ALDH1A2: variants seen among roughly 807,000 people sequenced by gnomAD.
ALDH1A2 encodes the protein retinal dehydrogenase 2.
ALDH1A2 carries 27 observed loss-of-function variants against 60.3 expected under a neutral mutation model. The observed-to-expected ratio is 0.45, with a 90% CI of 0.33 to 0.62. The LOEUF (loss-of-function observed/expected upper bound fraction) is 0.62, where lower values mean the gene tolerates loss of function less well. Ranked by LOEUF, ALDH1A2 falls within the 20% of genes least tolerant of loss-of-function variation. The pLI is 0.02. For synonymous variants in ALDH1A2, 289 were observed against 232.4 expected, an observed-to-expected ratio of 1.24 and a Z score of -2.21; for missense variants, 581 against 643.8, an observed-to-expected ratio of 0.90 and a Z score of 1.06.
chr15:58,048,813 T>A (rs185879884), intron 1 of ALDH1A2, among the ~76,000 whole-genome samples: 1 of 152,152 alleles, frequency 6.6e-6, no homozygotes, highest in Admixed American at 6.6e-5. Flanking sequence ...ATTTTTTAAA[T>A]GTTTAAAATC....
chr15:58,058,308 C>A (rs1405666049), intron 1 of ALDH1A2, among the ~76,000 whole-genome samples: 1 of 151,758 alleles, frequency 6.6e-6, no homozygotes, highest in African/African-American at 2.4e-5. Context: ...TTTTGCATAT[C>A]TCGTGGGCTT....
chr15:58,014,290 G>A lies in ALDH1A2; in HGVS notation c.118-9C>T, dbSNP rs1895726904. 1 of 1,605,938 alleles carries A rather than the reference G, an allele frequency of 6.2e-7. No individual in the cohort carries two copies. The highest frequency in any genetic ancestry group is 1.3e-5 in the African/African-American group (1 of 74,768). ...TCGTTGTTTATAAAGATCTAAGGGA[G>A]TAGATAACAGAATGGGATCTGTGAC... On this transcript the variant is annotated splice_polypyrimidine_tract_variant and intron_variant, in intron 1 of 12. Coordinates refer to ENST00000249750, the MANE Select transcript of ALDH1A2 (RefSeq NM_003888.4).
rs34804991 is a variant in ALDH1A2, at chr15:58,065,386, C to CA, written c.117+147dup. 4.2e-4 allele frequency: 330 copies of CA among 783,640 alleles called. 1 individual carries two copies. The East Asian group carries it at 8.4e-3, about 20-fold the overall frequency. 48.5% of individuals were successfully genotyped at this position (783,640 alleles called of 1,614,324 possible). On this transcript the variant is annotated intron_variant, in intron 1 of 12. Transcript: ENST00000249750. ...CAAACGCCCCAGTCCCGAAGACAGGCAGGGGGTCCCTCTGCTGCGCCGGGA... is the reference window on the plus strand; with the variant it reads ...CAAACGCCCCAGTCCCGAAGACAGGCAAGGGGGTCCCTCTGCTGCGCCGGGA...
intron 7 of ALDH1A2, among the ~76,000 whole-genome samples, chr15:57,966,184 GA>G (rs35042561): frequency 2.6e-5 from 4 of 152,106 alleles, no homozygotes; most frequent in African/African-American, 4.8e-5. Flanking sequence ...TCCGGCTCCA[GA>G]AAAAAGCCAA....
rs753463120 is a variant in ALDH1A2, at chr15:57,964,027, T to C, written c.944A>G (p.Asn315Ser). ...VEQAHQGVFFNQGQCCTAGSR... is the reference protein window; with the variant it reads ...VEQAHQGVFFSQGQCCTAGSR... The stretch of plus-strand genomic sequence containing the variant: ...GCCTGCAGTGCAGCACTGACCTTGA[T>C]TGAAGAACACACCCTGGTGGGCCTG... The change falls in exon 9 of 13, where the codon AAT becomes AGT. Residue 315 changes from asparagine to serine, a missense_variant. By Grantham distance (46) the Asn-to-Ser change is conservative. Around this residue, in one of 2 missense-constraint regions of ALDH1A2, gnomAD observed 375 missense variants for 469.7 expected, o/e 0.80. Transcript: ENST00000249750. 13 of 1,614,016 alleles carry C rather than the reference T, an allele frequency of 8.1e-6. No homozygotes were observed. The highest frequency in any genetic ancestry group is 1.1e-5 in the South Asian group (1 of 91,084).
At chr15:57,990,412 T>A (rs1894854185) in intron 7 of ALDH1A2, 1 of 152,160 alleles carries the variant, frequency 6.6e-6, no homozygotes, top group Admixed American at 6.5e-5. Flanking sequence ...TAGGAAAAAT[T>A]AGTGGAAAAA....
In ALDH1A2 at chr15:58,059,428, G is replaced by A. The variant is rs138606164; in HGVS notation, c.117+6106C>T. Among the ~76,000 whole-genome samples, 667 of 152,240 alleles carry A rather than the reference G, an allele frequency of 4.4e-3. 5 individuals are homozygous for A. Among genetic ancestry groups the A allele is most frequent in the African/African-American group, 0.015 (618 of 41,540 alleles). Reference sequence around the variant, plus strand: ...TCTCAAAATTCCATATGTTATCTTGGACAGTCAGGACTAGTAAAAGTTTCT... The same window carrying A: ...TCTCAAAATTCCATATGTTATCTTGAACAGTCAGGACTAGTAAAAGTTTCT... On this transcript the variant is annotated intron_variant, in intron 1 of 12. Coordinates refer to ENST00000249750, the MANE Select transcript of ALDH1A2 (RefSeq NM_003888.4).
At chr15:57,992,913 T>A (rs931784193) in intron 6 of ALDH1A2, 32 bp downstream of exon 6, 1 of 1,613,358 alleles carries the variant, frequency 6.2e-7, no homozygotes, top group East Asian at 2.2e-5. Flanking sequence ...GTAAGGGGAG[T>A]CAGAAGCACT....
At chr15:58,019,433 G>T (rs762364990) in intron 1 of ALDH1A2, among the ~76,000 whole-genome samples, 7 of 152,160 alleles carry the variant, frequency 4.6e-5, no homozygotes, top group Non-Finnish European at 1.0e-4. Flanking sequence ...ATTAGTATGA[G>T]GAAAAATGTG....
chr15:58,021,038 ATAG>A (rs1368442707), intron 1 of ALDH1A2, among the ~76,000 whole-genome samples: 4 of 152,278 alleles, frequency 2.6e-5, no homozygotes, highest in Non-Finnish European at 4.4e-5. Context: ...ATTTTGTTTA[ATAG>A]TAGCATAGCT....
chr15:58,003,201 G>C (rs1324106100), intron 4 of ALDH1A2, among the ~76,000 whole-genome samples: 1 of 151,802 alleles, frequency 6.6e-6, no homozygotes, highest in Admixed American at 6.6e-5. Flanking sequence ...TCTTAAAAAG[G>C]TTCCTTGTGA....
chr15:58,063,480 A>C (rs1410389850), intron 1 of ALDH1A2, among the ~76,000 whole-genome samples: 1 of 152,034 alleles, frequency 6.6e-6, no homozygotes, highest in Non-Finnish European at 1.5e-5. Flanking sequence ...ACTCACTATT[A>C]ATCTTATTTT....
intron 1 of ALDH1A2, among the ~76,000 whole-genome samples, chr15:58,019,322 G>C (rs1895862861): frequency 2.0e-5 from 3 of 152,146 alleles, no homozygotes; most frequent in Admixed American, 1.3e-4. Flanking sequence ...GCTCTGTCTT[G>C]AAACATGGCC....
chr15:57,987,763 T>G (rs956132245), intron 7 of ALDH1A2, among the ~76,000 whole-genome samples: 1 of 151,422 alleles, frequency 6.6e-6, no homozygotes. Context: ...CGGGTGCCTG[T>G]AGTCCCAGCT....
At chr15:57,961,089 T>C in intron 11 of ALDH1A2, 48 bp downstream of exon 11, 1 of 1,607,816 alleles carries the variant, frequency 6.2e-7, no homozygotes. Context: ...TTCACCCTGG[T>C]CCCTATACCA....
intron 1 of ALDH1A2, among the ~76,000 whole-genome samples, chr15:58,061,612 A>AAAAAAAC (rs1897039389): frequency 3.1e-5 from 4 of 128,372 alleles, no homozygotes; most frequent in Admixed American, 2.4e-4. Context: ...AAAAAAAACA[A>AAAAAAAC]AAAAAAAAAA....
Position 57,954,941 on chromosome 15 carries a change from G to C in ALDH1A2, c.*256C>G, listed in dbSNP as rs1893467140. 10 of 566,070 alleles carry C rather than the reference G, an allele frequency of 1.8e-5. No homozygotes were observed. The highest frequency in any genetic ancestry group is 6.3e-6 in the Non-Finnish European group (2 of 315,134). The allele number at this position is 566,070 out of a possible 1,614,324, so 35.1% of individuals were successfully genotyped here. ...CCAGAAGGAGATACTGGATGTGTCT[G>C]CTAGCTCCTCCTCCTCCCTTTATCC... On this transcript the variant is annotated 3_prime_UTR_variant, in exon 13 of 13. Coordinates refer to ENST00000249750, the MANE Select transcript of ALDH1A2 (RefSeq NM_003888.4).
chr15:58,008,611 G>C (rs1011666822), intron 4 of ALDH1A2, among the ~76,000 whole-genome samples: 2 of 152,094 alleles, frequency 1.3e-5, no homozygotes, highest in Non-Finnish European at 2.9e-5. Context: ...ATTGCCTTCT[G>C]TTTCACAATC....
chr15:58,053,313 A>G (rs1896821946), intron 1 of ALDH1A2, among the ~76,000 whole-genome samples: 2 of 152,186 alleles, frequency 1.3e-5, no homozygotes, highest in African/African-American at 4.8e-5. Context: ...AAATTGTAAA[A>G]CTAAAATTGG....
Sources: allele counts gnomAD v4.1 joint callset (sites outside exome capture counted in the v4.1 genomes callset), GRCh38; gene constraint gnomAD v4.1.1; regional missense constraint gnomAD v4.1.1; transcripts MANE v1.5; gene names NCBI Gene and HGNC (gene_info 2026-07-23, HGNC 2026-07-21).